Variants in MIER2 observed in about 807,000 individuals in gnomAD.
MIER2 encodes the protein mesoderm induction early response protein 2.
In MIER2, 30 loss-of-function variants were observed where a neutral mutation model predicts 67.6. The ratio of observed to expected loss-of-function variants is 0.44; its 90% CI spans 0.33 to 0.60. The LOEUF (loss-of-function observed/expected upper bound fraction) is 0.60, where lower values mean the gene tolerates loss of function less well. MIER2 is among the 20% of genes least tolerant of loss of function. MIER2 has a pLI of 0.02. For synonymous variants in MIER2, 372 were observed against 312.6 expected, an observed-to-expected ratio of 1.19 and a Z score of -2.00; for missense variants, 702 against 745.1, an observed-to-expected ratio of 0.94 and a Z score of 0.67.
At position 307,397 on chromosome 19, in the gene MIER2, G is replaced by C. The variant is rs777255993; in HGVS notation, c.1338C>G (p.Pro446=). ...ESPAVPLSHR[P]PALADPASYQ... The stretch of plus-strand genomic sequence containing the variant: ...ATGAGGCTGGGTCGGCCAGGGCTGG[G>C]GGCCGATGGGACAGGGGTACAGCGG... Residue 446 remains proline (P), a synonymous_variant, in exon 13 of 14, where the codon CCC becomes CCG. Transcript: ENST00000264819. The C allele has an allele frequency of 9.0e-5, 144 of 1,607,468 alleles. No homozygotes were observed. Among genetic ancestry groups the C allele is most frequent in the Non-Finnish European group, 1.2e-4 (140 of 1,178,250 alleles).
intron 7 of MIER2, among the ~76,000 whole-genome samples, chr19:314,640 G>A (rs1040413182): frequency 1.3e-5 from 2 of 152,022 alleles, no homozygotes; most frequent in Non-Finnish European, 2.9e-5. Flanking sequence ...ATGGCCATGA[G>A]GAAAACAGGC....
At chr19:327,773 CCT>C in intron 4 of MIER2, 89 bp downstream of exon 4, 2 of 1,543,608 alleles carry the variant, frequency 1.3e-6, no homozygotes, top group South Asian at 2.5e-5. Flanking sequence ...CTTTGTGCCT[CCT>C]CTCACTGAAC....
chr19:325,295 C>G (rs1971689169), intron 7 of MIER2, among the ~76,000 whole-genome samples: 1 of 152,208 alleles, frequency 6.6e-6, no homozygotes, highest in South Asian at 2.1e-4. Flanking sequence ...ACCATCTAAC[C>G]CGGCACAGAG....
intron 7 of MIER2, among the ~76,000 whole-genome samples, chr19:315,384 A>C (rs1386373342): frequency 6.6e-6 from 1 of 152,234 alleles, no homozygotes; most frequent in Non-Finnish European, 1.5e-5. Context: ...AAACAAAACA[A>C]GAACACATCA....
intron 3 of MIER2, among the ~76,000 whole-genome samples, chr19:331,974 C>T (rs1054975505): frequency 6.6e-6 from 1 of 151,974 alleles, no homozygotes; most frequent in Non-Finnish European, 1.5e-5. Flanking sequence ...GAGCAAGACT[C>T]CATCTCAAAA....
intron 3 of MIER2, chr19:330,230 A>C (rs573155507): frequency 1.3e-5 from 2 of 152,186 alleles, no homozygotes; most frequent in South Asian, 2.1e-4. Context: ...TGACAACATG[A>C]ACTTGCCGAA....
chr19:315,406 A>G (rs143984662), intron 7 of MIER2, among the ~76,000 whole-genome samples: 307 of 152,352 alleles, frequency 2.0e-3, no homozygotes, highest in African/African-American at 7.1e-3. Context: ...ACAACAAAGC[A>G]GGTCTACACA....
chr19:321,847 G>A (rs897700135), intron 7 of MIER2, among the ~76,000 whole-genome samples: 2 of 152,114 alleles, frequency 1.3e-5, no homozygotes, highest in African/African-American at 2.4e-5. Context: ...CCACAAAGGC[G>A]TCACTGCAGC....
Position 344,400 on chromosome 19 carries a change from G to C in MIER2, c.9+374C>G, listed in dbSNP as rs943434685. On this transcript the variant is annotated intron_variant, in intron 1 of 13. Transcript: ENST00000264819. ...GGGAGGGGAGGCCTGCGCGCCGCGG[G>C]GCCCGGGCCGGGGCCGGGAACCGGA... The C allele has an allele frequency of 8.3e-5, 82 of 984,066 alleles. No homozygotes were observed. The South Asian group carries it at 1.8e-3, about 21-fold the overall frequency. The allele number at this position is 984,066 out of a possible 1,614,324, so 61.0% of individuals were successfully genotyped here.
intron 4 of MIER2, 76 bp from the exon 5 acceptor site, chr19:327,332 TA>T: frequency 6.6e-7 from 1 of 1,506,286 alleles, no homozygotes; most frequent in Non-Finnish European, 8.9e-7. Flanking sequence ...ATAACAACAG[TA>T]AAGACACTGG....
intron 7 of MIER2, among the ~76,000 whole-genome samples, chr19:321,463 G>A (rs1461244673): frequency 6.6e-6 from 1 of 152,116 alleles, no homozygotes; most frequent in African/African-American, 2.4e-5. Flanking sequence ...TGGCCAACAT[G>A]GTGAAACCCC....
At chr19:329,018 T>G (rs561728670) in intron 3 of MIER2, among the ~76,000 whole-genome samples, 1 of 152,290 alleles carries the variant, frequency 6.6e-6, no homozygotes, top group Non-Finnish European at 1.5e-5. Context: ...CCTTCTGTCC[T>G]CCCTTGTGTG....
chr19:310,648 T>TATAGGAACATGG (rs1970945191), intron 10 of MIER2, among the ~76,000 whole-genome samples: 1 of 64,406 alleles, frequency 1.6e-5, no homozygotes, highest in Admixed American at 1.7e-4. Context: ...CAGCCCAGAG[T>TATAGGAACATGG]CCAGAAACAC....
At chr19:344,520 C>A in intron 1 of MIER2, 3 of 359,044 alleles carry the variant, frequency 8.4e-6, no homozygotes, top group Non-Finnish European at 1.2e-5. Context: ...CCCGCCCGCC[C>A]CGCGCCGCCG....
intron 7 of MIER2, among the ~76,000 whole-genome samples, chr19:319,737 A>C (rs908899690): frequency 6.6e-6 from 1 of 152,174 alleles, no homozygotes; most frequent in Non-Finnish European, 1.5e-5. Flanking sequence ...GATTAAAGGC[A>C]TGAGCCCCCA....
chr19:327,730 T>C (rs1971824984), intron 4 of MIER2, 134 bp downstream of exon 4: 20 of 1,384,684 alleles, frequency 1.4e-5, no homozygotes, highest in Non-Finnish European at 1.9e-5. Flanking sequence ...CCCAGGGTAG[T>C]GGTCACAGGT....
chr19:334,207 C>T, intron 3 of MIER2, 193 bp downstream of exon 3: 2 of 707,558 alleles, frequency 2.8e-6, no homozygotes, highest in Non-Finnish European at 4.6e-6. Context: ...TCCTTGACCA[C>T]CGTGCTGCTC....
Position 327,149 on chromosome 19 carries a change from G to A in MIER2, c.477C>T (p.Phe159=), listed in dbSNP as rs1321233445. ...GTCACCTACATCCACTCCGGTTAGG[G>A]AAGAGGTCGGAGGCCTCGTGGGAGG... ...SVTSHEASDL[F]PNRSGSRFLA... The change falls in exon 5 of 14, where the codon TTC becomes TTT. Residue 159 remains phenylalanine, a synonymous_variant. Transcript: ENST00000264819. The A allele has an allele frequency of 4.4e-6, 7 of 1,586,506 alleles. No homozygotes were observed. The highest frequency in any genetic ancestry group is 6.0e-6 in the Non-Finnish European group (7 of 1,172,378).
At chr19:337,655 T>C (rs1159060474) in intron 1 of MIER2, among the ~76,000 whole-genome samples, 1 of 145,632 alleles carries the variant, frequency 6.9e-6, no homozygotes, top group African/African-American at 2.5e-5. Flanking sequence ...TCCCTTGAGG[T>C]CAGGAGTTCA....
Sources: allele counts gnomAD v4.1 joint callset (sites outside exome capture counted in the v4.1 genomes callset), GRCh38; gene constraint gnomAD v4.1.1; transcripts MANE v1.5; gene names NCBI Gene and HGNC (gene_info 2026-07-23, HGNC 2026-07-21).